ERP27: variants seen among roughly 807,000 people sequenced by gnomAD.
ERP27 encodes the protein endoplasmic reticulum protein 27.
ERP27 carries 23 observed loss-of-function variants against 27.7 expected under a neutral mutation model. That is an observed-to-expected ratio of 0.83 (90% CI 0.60 to 1.18). ERP27 has a LOEUF of 1.18. Ranked by LOEUF, ERP27 falls within the 50% of genes most tolerant of loss-of-function variation. ERP27 has a pLI of 0.00. For synonymous variants in ERP27, 159 were observed against 118.3 expected (o/e 1.34, Z -2.23); for missense variants, 363 against 327.9 (o/e 1.11, Z -0.83).
In ERP27 at chr12:14,917,192, G is replaced by T. The variant is rs1169588007; in HGVS notation, c.562C>A (p.Leu188Ile). 3 of 1,614,134 alleles carry T rather than the reference G, an allele frequency of 1.9e-6. No individual in the cohort carries two copies. The highest frequency in any genetic ancestry group is 1.7e-5 in the Admixed American group (1 of 60,028). Residue 188 changes from leucine (L) to isoleucine (I), a missense_variant, in exon 5 of 7, where the codon CTC becomes ATC. By Grantham distance (5) the Leu-to-Ile change is conservative (BLOSUM62 2). Transcript: ENST00000266397. ...TCTTGCCTTACCTTCCCCTGGAAGA[G>T]CTTGGCTGCCTTCTGGTATCTGTGC... Reference protein sequence around the residue: ...NMHRYQKAAKLFQGKILFILV... With the variant: ...NMHRYQKAAKIFQGKILFILV...
chr12:14,932,593 T>C (rs1863712921), intron 3 of ERP27, among the ~76,000 whole-genome samples: 1 of 152,224 alleles, frequency 6.6e-6, no homozygotes, highest in South Asian at 2.1e-4. Context: ...ATCTCATTTT[T>C]GATTTTTAAG....
chr12:14,924,583 G>T (rs1210305986), intron 3 of ERP27, among the ~76,000 whole-genome samples: 1 of 152,110 alleles, frequency 6.6e-6, no homozygotes, highest in Non-Finnish European at 1.5e-5. Context: ...TTGGGGTGAG[G>T]TGATATCTTA....
chr12:14,921,468 T>C (rs1863502914), intron 3 of ERP27, among the ~76,000 whole-genome samples: 1 of 152,152 alleles, frequency 6.6e-6, no homozygotes, highest in Non-Finnish European at 1.5e-5. Flanking sequence ...CCAGATGTGA[T>C]GTGAGGGTTG....
At chr12:14,929,095 G>A in intron 3 of ERP27, 1 of 1,517,996 alleles carries the variant, frequency 6.6e-7, no homozygotes, top group Non-Finnish European at 8.8e-7. Flanking sequence ...TCCTAGGTCT[G>A]GTGCCTGCAC....
At chr12:14,926,083 G>C (rs536406040) in intron 3 of ERP27, among the ~76,000 whole-genome samples, 1 of 151,844 alleles carries the variant, frequency 6.6e-6, no homozygotes, top group African/African-American at 2.4e-5. Flanking sequence ...AAAAAAAAAG[G>C]TGTTAAATTT....
chr12:14,937,910 A>G (rs1167808449), intron 2 of ERP27, 42 bp downstream of exon 2: 8 of 1,570,048 alleles, frequency 5.1e-6, no homozygotes, highest in Non-Finnish European at 7.0e-6. Flanking sequence ...CTTAAGGTAG[A>G]ACATTTCTGG....
At position 14,914,761 on chromosome 12, in the gene ERP27, C is replaced by G. The variant is rs756647536; in HGVS notation, c.796G>C (p.Gly266Arg). The G allele has an allele frequency of 6.2e-7, 1 of 1,613,748 alleles. No individual in the cohort carries two copies. Among genetic ancestry groups the G allele is most frequent in the East Asian group, 2.2e-5 (1 of 44,874 alleles). Reference sequence around the variant, plus strand: ...CAGAGTTCCACCTTTGGAGTCTTTCCTTCTGATTCACGATTTTCTTTCTGG... The same window carrying G: ...CAGAGTTCCACCTTTGGAGTCTTTCGTTCTGATTCACGATTTTCTTTCTGG... ...KLLKENRESE[G>R]KTPKVEL is the part of the protein sequence containing the mutation. Residue 266 changes from glycine (G) to arginine (R), a missense_variant, in exon 7 of 7, where the codon GGA becomes CGA. Coordinates refer to ENST00000266397, the MANE Select transcript of ERP27 (RefSeq NM_152321.4).
rs988216499 is a variant in ERP27, at chr12:14,914,401, A to G, written c.*334T>C. The G allele has an allele frequency of 1.8e-5, 5 of 279,554 alleles. No individual in the cohort carries two copies. Among genetic ancestry groups the G allele is most frequent in the Non-Finnish European group, 3.3e-5 (5 of 149,652 alleles). 17.3% of individuals were successfully genotyped at this position (279,554 alleles called of 1,614,324 possible). ...AGGAATGCCTCTCTTTCATAGAGGC[A>G]TCACAGTGAGTCTCTTAAAGCCTTG... On this transcript the variant is annotated 3_prime_UTR_variant, in exon 7 of 7. Coordinates refer to ENST00000266397, the MANE Select transcript of ERP27 (RefSeq NM_152321.4).
rs758842201 is a variant in ERP27, at chr12:14,920,919, A to T, written c.450+13T>A. The T allele has an allele frequency of 6.2e-7, 1 of 1,603,750 alleles. No homozygotes were observed. Among genetic ancestry groups the T allele is most frequent in the Non-Finnish European group, 8.5e-7 (1 of 1,170,586 alleles). The stretch of plus-strand genomic sequence containing the variant: ...AGGGTCTGAAGGGACTAAGAACAGG[A>T]AGTATTGTTTACCACAGGGTTGTAC... On this transcript the variant is annotated intron_variant, in intron 4 of 6. Transcript: ENST00000266397.
rs1863796500 is a variant in ERP27, at chr12:14,937,980, G to A, written c.167C>T (p.Thr56Ile). Residue 56 changes from threonine to isoleucine, a missense_variant, in exon 2 of 7, where the codon ACT becomes ATT. By Grantham distance (89) the Thr-to-Ile change is moderately conservative. Transcript: ENST00000266397. Reference sequence around the variant, plus strand: ...GAAGAAGCCTATGACAGCCACCTCAGTGGCAGCAATGAATTCCATGGCAGC... The same window carrying A: ...GAAGAAGCCTATGACAGCCACCTCAATGGCAGCAATGAATTCCATGGCAGC... The part of the protein sequence containing the change: ...VPAAMEFIAA[T>I]EVAVIGFFQD... The A allele has an allele frequency of 2.5e-6, 4 of 1,613,964 alleles. 1 individual carries two copies. Among genetic ancestry groups the A allele is most frequent in the Admixed American group, 1.7e-5 (1 of 60,004 alleles).
intron 2 of ERP27, chr12:14,935,200 C>T (rs541351164): frequency 1.3e-4 from 125 of 972,406 alleles, no homozygotes; most frequent in South Asian, 4.3e-4. Context: ...TAGGTAACCA[C>T]GAAATTGTAG....
chr12:14,914,619 T>C lies in ERP27; in HGVS notation c.*116A>G, dbSNP rs898025416. The C allele has an allele frequency of 5.0e-6, 4 of 794,644 alleles. No individual in the cohort carries two copies. The highest frequency in any genetic ancestry group is 8.3e-6 in the Non-Finnish European group (4 of 483,964). The allele number at this position is 794,644 out of a possible 1,614,324, so 49.2% of individuals were successfully genotyped here. A position where few individuals can be genotyped will look rare whatever the true frequency, so the allele number is the denominator to read the frequency against. On this transcript the variant is annotated 3_prime_UTR_variant, in exon 7 of 7. Transcript: ENST00000266397. The stretch of plus-strand genomic sequence containing the variant: ...GCGTGCGTGCGTGTGTGCACGTGCG[T>C]GTGTGTGTGGTTGGCAGGCCTAGTG...
chr12:14,929,138 T>TC lies in ERP27; in HGVS notation c.333+5717dup, dbSNP rs534793515. The TC allele has an allele frequency of 5.3e-5, 76 of 1,442,402 alleles. No homozygotes were observed. The Middle Eastern group carries it at 1.8e-3, about 35-fold the overall frequency. 89.4% of individuals were successfully genotyped at this position (1,442,402 alleles called of 1,614,324 possible). A position where few individuals can be genotyped will look rare whatever the true frequency, so the allele number is the denominator to read the frequency against. On this transcript the variant is annotated intron_variant, in intron 3 of 6. Transcript: ENST00000266397. The stretch of plus-strand genomic sequence containing the variant: ...CACATCGCTGTGCATGGATCAAGAA[T>TC]CCCCCCCTCCCTGTACTCTTTTCCG...
chr12:14,915,720 A>T (rs1157000106), intron 5 of ERP27, 34 bp from the exon 6 acceptor site: 1 of 1,593,462 alleles, frequency 6.3e-7, no homozygotes, highest in Middle Eastern at 1.8e-4. Context: ...AAAAAGTTCT[A>T]TCTGAGGTGA....
chr12:14,936,665 C>T (rs1437256157), intron 2 of ERP27, among the ~76,000 whole-genome samples: 1 of 152,018 alleles, frequency 6.6e-6, no homozygotes, highest in Non-Finnish European at 1.5e-5. Context: ...GCAGTTTCCC[C>T]CATGCTGTTC....
intron 5 of ERP27, among the ~76,000 whole-genome samples, chr12:14,916,322 C>T (rs550348744): frequency 6.6e-6 from 1 of 152,034 alleles, no homozygotes; most frequent in Non-Finnish European, 1.5e-5. Context: ...GAGCAGAGAG[C>T]ACGTTTTAAA....
intron 3 of ERP27, among the ~76,000 whole-genome samples, chr12:14,930,914 T>C (rs1361779848): frequency 6.6e-6 from 1 of 152,178 alleles, no homozygotes; most frequent in Non-Finnish European, 1.5e-5. Context: ...TAAGGAATGC[T>C]AGGAGGCTAG....
Position 14,914,756 on chromosome 12 carries a change from C to G in ERP27, c.801G>C (p.Lys267Asn), listed in dbSNP as rs138298248. The part of the protein sequence containing the change: ...LLKENRESEG[K>N]TPKVEL The stretch of plus-strand genomic sequence containing the variant: ...GAAGTCAGAGTTCCACCTTTGGAGT[C>G]TTTCCTTCTGATTCACGATTTTCTT... The change falls in exon 7 of 7, where the codon AAG becomes AAC. Residue 267 changes from lysine (K) to asparagine (N), a missense_variant. Physicochemically the swap from Lys to Asn is moderately conservative, Grantham distance 94. Transcript: ENST00000266397. 6.5e-5 allele frequency: 105 copies of G among 1,613,770 alleles called. No homozygotes were observed. The African/African-American group carries it at 1.3e-3, about 19-fold the overall frequency.
chr12:14,914,861 T>C (rs1266024779), intron 6 of ERP27, 79 bp from the exon 7 acceptor site: 5 of 1,136,220 alleles, frequency 4.4e-6, no homozygotes. Context: ...CCTTCTTTAA[T>C]TTTTATCTCA....
Sources: gnomAD v4.1 joint callset for allele counts (sites outside exome capture counted in the v4.1 genomes callset) on GRCh38, gnomAD v4.1.1 for gene constraint, MANE v1.5 for transcripts, NCBI Gene and HGNC (gene_info 2026-07-23, HGNC 2026-07-21) for gene names.